Variants in RAPGEF2 observed in about 807,000 individuals in gnomAD.
RAPGEF2 encodes the protein PDZ domain containing guanine nucleotide exchange factor (GEF) 1.
A neutral mutation model predicts 186.7 loss-of-function variants in RAPGEF2; 54 were observed. The observed-to-expected ratio is 0.29, with a 90% CI of 0.23 to 0.36. The LOEUF is 0.36. Among genes scored for constraint, RAPGEF2 ranks in the 10% least tolerant of loss-of-function variants. The pLI is 1.00. For synonymous variants in RAPGEF2, 712 were observed against 705.9 expected (o/e 1.01, Z -0.14); for missense variants, 1,532 against 2,045.0 (o/e 0.75, Z 4.84).
At chr4:159,190,752 A>T (rs28508275) in intron 2 of RAPGEF2, among the ~76,000 whole-genome samples, 74,290 of 151,980 alleles carry the variant, frequency 0.49, 20,093 homozygotes, top group African/African-American at 0.74. Flanking sequence ...CCATCAGATC[A>T]TTTAAGAACT....
At position 159,186,702 on chromosome 4, in the gene RAPGEF2, C is replaced by A; in HGVS notation, c.130C>A (p.His44Asn). The change falls in exon 2 of 30, where the codon CAT becomes AAT. Residue 44 changes from histidine (H) to asparagine (N), a missense_variant. Coordinates refer to ENST00000691494, the MANE Select transcript of RAPGEF2 (RefSeq NM_001394067.2). The part of the protein sequence containing the change: ...GMEALSNLRE[H>N]QLRLMCETVR... ...GGAAGCCTTATCAAACTTGAGGGAG[C>A]ATCAACTTAGGTATGTCATTTTAAT... The A allele has an allele frequency of 6.9e-7, 1 of 1,457,106 alleles. No homozygotes were observed. The highest frequency in any genetic ancestry group is 9.2e-7 in the Non-Finnish European group (1 of 1,084,768). The allele number at this position is 1,457,106 out of a possible 1,614,324, so 90.3% of individuals were successfully genotyped here.
intron 1 of RAPGEF2, among the ~76,000 whole-genome samples, chr4:159,153,363 CTT>C (rs889743458): frequency 6.6e-6 from 1 of 152,162 alleles, no homozygotes; most frequent in African/African-American, 2.4e-5. Flanking sequence ...GGGCACCAGA[CTT>C]TTAAAAAAGC....
At chr4:159,108,807 C>G (rs1324431908) in intron 1 of RAPGEF2, among the ~76,000 whole-genome samples, 4 of 152,164 alleles carry the variant, frequency 2.6e-5, no homozygotes, top group Non-Finnish European at 5.9e-5. Flanking sequence ...CAGCCTCTAT[C>G]TCCCAGACTC....
intron 7 of RAPGEF2, among the ~76,000 whole-genome samples, chr4:159,304,115 A>G (rs537386003): frequency 1.7e-4 from 26 of 152,294 alleles, no homozygotes; most frequent in African/African-American, 6.3e-4. Flanking sequence ...CCTATTTAAG[A>G]CATTGAATTT....
rs1315587102 is a variant in RAPGEF2, at chr4:159,261,349, A to ACC, written c.543+17559_543+17560dup. The stretch of plus-strand genomic sequence containing the variant: ...AGTGCTGGGATTACGGGCGTGAGCC[A>ACC]CCGCATCCAGCTGAAAAAGGTTAAT... On this transcript the variant is annotated intron_variant, in intron 7 of 29. Coordinates refer to ENST00000691494, the MANE Select transcript of RAPGEF2 (RefSeq NM_001394067.2). Among the ~76,000 whole-genome samples the ACC allele has an allele frequency of 1.6e-4, 25 of 152,318 alleles. No individual in the cohort carries two copies. The East Asian group carries it at 4.4e-3, about 27-fold the overall frequency.
chr4:159,310,919 T>C (rs1241427276), intron 8 of RAPGEF2, among the ~76,000 whole-genome samples: 1 of 152,206 alleles, frequency 6.6e-6, no homozygotes, highest in African/African-American at 2.4e-5. Context: ...TAGGCAAATA[T>C]GTATTTAAAC....
intron 7 of RAPGEF2, among the ~76,000 whole-genome samples, chr4:159,259,069 T>C (rs1330433983): frequency 6.6e-6 from 1 of 152,204 alleles, no homozygotes. Context: ...TCCCCGTCAG[T>C]AGATAAGCAT....
chr4:159,324,848 A>G (rs1048670860), intron 11 of RAPGEF2, among the ~76,000 whole-genome samples: 1 of 152,166 alleles, frequency 6.6e-6, no homozygotes, highest in African/African-American at 2.4e-5. Context: ...TACTTTTGGT[A>G]TTATTAGGTG....
In RAPGEF2 at chr4:159,329,607, T is replaced by C. The variant is rs536234932; in HGVS notation, c.1150-251T>C. 263 of 236,574 alleles carry C rather than the reference T, an allele frequency of 1.1e-3. 2 individuals are homozygous for C. Among genetic ancestry groups the C allele is most frequent in the Non-Finnish European group, 1.7e-3 (211 of 123,728 alleles). 14.7% of individuals were successfully genotyped at this position (236,574 alleles called of 1,614,324 possible). A position where few individuals can be genotyped will look rare whatever the true frequency, so the allele number is the denominator to read the frequency against. ...GCTATCTTCTAATTATGTCTTTTGA[T>C]TTTTAAAATTATTAGGATTTTGAAT... On this transcript the variant is annotated intron_variant, in intron 11 of 29. Coordinates refer to ENST00000691494, the MANE Select transcript of RAPGEF2 (RefSeq NM_001394067.2).
chr4:159,149,835 A>AG (rs1743341077), intron 1 of RAPGEF2, among the ~76,000 whole-genome samples: 2 of 152,224 alleles, frequency 1.3e-5, no homozygotes, highest in African/African-American at 4.8e-5. Context: ...TAGTGCAGCT[A>AG]TAATCAGAAG....
intron 7 of RAPGEF2, among the ~76,000 whole-genome samples, chr4:159,294,255 T>C (rs1453961780): frequency 6.6e-6 from 1 of 152,210 alleles, no homozygotes. Flanking sequence ...TCTTTTTTCT[T>C]TGACTTTAAA....
At chr4:159,298,737 T>C (rs1315460339) in intron 7 of RAPGEF2, among the ~76,000 whole-genome samples, 2 of 152,124 alleles carry the variant, frequency 1.3e-5, no homozygotes, top group African/African-American at 4.8e-5. Context: ...ACGAAAGCCC[T>C]TTCTGGGAAT....
rs150719117 is a variant in RAPGEF2 at position 159,119,014 on chromosome 4, G to A, written c.69+14783G>A. On this transcript the variant is annotated intron_variant, in intron 1 of 29. Transcript: ENST00000691494. ...TCCCATAGATTAACTTTTCATCGTT[G>A]GTTTAATGACTGATTCACTAAAGTG... is the stretch of plus-strand genomic sequence containing the variant. 8.6e-3 allele frequency among the ~76,000 whole-genome samples: 1,310 copies of A among 152,152 alleles called. 24 individuals are homozygous for A. Among genetic ancestry groups the A allele is most frequent in the African/African-American group, 0.03 (1,245 of 41,502 alleles).
rs550211592 is a variant in RAPGEF2, at chr4:159,301,394, A to G, written c.544-2948A>G. Among the ~76,000 whole-genome samples the G allele has an allele frequency of 1.8e-3, 281 of 152,232 alleles. 3 individuals are homozygous for G. Among genetic ancestry groups the G allele is most frequent in the African/African-American group, 6.5e-3 (269 of 41,552 alleles). On this transcript the variant is annotated intron_variant, in intron 7 of 29. Coordinates refer to ENST00000691494, the MANE Select transcript of RAPGEF2 (RefSeq NM_001394067.2). ...CTGTCTCCAAAAAGAAAAAATTAAT[A>G]ATAGTATTGTTATCCTAATTGGTGG...
chr4:159,151,791 T>G (rs1292527617), intron 1 of RAPGEF2, among the ~76,000 whole-genome samples: 2 of 152,198 alleles, frequency 1.3e-5, no homozygotes, highest in Admixed American at 1.3e-4. Context: ...GGTGTCTGTT[T>G]AAAGTAGGGT....
intron 7 of RAPGEF2, among the ~76,000 whole-genome samples, chr4:159,259,067 A>G (rs913238848): frequency 6.6e-6 from 1 of 152,252 alleles, no homozygotes; most frequent in African/African-American, 2.4e-5. Flanking sequence ...TTTCCCCGTC[A>G]GTAGATAAGC....
intron 4 of RAPGEF2, among the ~76,000 whole-genome samples, chr4:159,221,777 T>C (rs1751562501): frequency 6.6e-6 from 1 of 152,180 alleles, no homozygotes; most frequent in Admixed American, 6.5e-5. Context: ...CAAGTCCTGG[T>C]ATTCCTGTGA....
At chr4:159,130,017 C>T (rs1193377522) in intron 1 of RAPGEF2, among the ~76,000 whole-genome samples, 1 of 152,214 alleles carries the variant, frequency 6.6e-6, no homozygotes, top group Non-Finnish European at 1.5e-5. Flanking sequence ...TTCCCCAGAA[C>T]TGAGGTGTTC....
chr4:159,314,145 C>T (rs1362096007), intron 8 of RAPGEF2, among the ~76,000 whole-genome samples: 1 of 152,178 alleles, frequency 6.6e-6, no homozygotes, highest in East Asian at 1.9e-4. Flanking sequence ...ATTTGTGGCT[C>T]ATTTTTCCAT....
Sources: allele counts gnomAD v4.1 joint callset (sites outside exome capture counted in the v4.1 genomes callset), GRCh38; gene constraint gnomAD v4.1.1; transcripts MANE v1.5; gene names NCBI Gene and HGNC (gene_info 2026-07-23, HGNC 2026-07-21).